The following CEP83 variants were observed in gnomAD, a reference collection of about 807,000 sequenced individuals.
CEP83 encodes centrosomal protein of 83 kDa.
CEP83 carries 70 observed loss-of-function variants against 101.9 expected under a neutral mutation model. The ratio of observed to expected loss-of-function variants is 0.69; its 90% CI spans 0.57 to 0.84. The LOEUF is 0.84. Among genes scored for constraint, CEP83 ranks in the 40% least tolerant of loss-of-function variants. The probability of loss-of-function intolerance (pLI) is 0.00; values close to 1 mark genes in which losing one functional copy is unlikely to be tolerated. For missense variants in CEP83, 715 were observed against 787.2 expected, an observed-to-expected ratio of 0.91 and a Z score of 1.10; for synonymous variants, 264 against 267.9, an observed-to-expected ratio of 0.99 and a Z score of 0.14.
intron 8 of CEP83, among the ~76,000 whole-genome samples, chr12:94,371,896 A>G (rs2061326292): frequency 6.6e-6 from 1 of 152,386 alleles, no homozygotes; most frequent in African/African-American, 2.4e-5. Context: ...ACAATAAGAC[A>G]TCCCTCCAAA....
chr12:94,299,844 G>C, the CEP83 span, among the ~76,000 whole-genome samples: 2 of 152,174 alleles, frequency 1.3e-5, no homozygotes, highest in African/African-American at 4.8e-5. Context: ...ACAGGTGTGA[G>C]CCACTGCCCC....
intron 11 of CEP83, among the ~76,000 whole-genome samples, chr12:94,348,562 T>C (rs1178976203): frequency 6.6e-6 from 1 of 152,100 alleles, no homozygotes; most frequent in Non-Finnish European, 1.5e-5. Flanking sequence ...CTACCGGCAA[T>C]GACCACCTCA....
At chr12:94,431,594 G>GT (rs992141611) in intron 2 of CEP83, among the ~76,000 whole-genome samples, 5 of 145,722 alleles carry the variant, frequency 3.4e-5, no homozygotes, top group East Asian at 2.0e-4. Context: ...AAACTTAACG[G>GT]TAAAAAAAAA....
chr12:94,391,598 G>GT (rs2062540500), intron 6 of CEP83, among the ~76,000 whole-genome samples: 2 of 152,040 alleles, frequency 1.3e-5, no homozygotes, highest in African/African-American at 2.4e-5. Context: ...AGCGAACATC[G>GT]TAATGACAGG....
Position 94,370,071 on chromosome 12 carries a change from C to A in CEP83, c.934-35G>T. The A allele has an allele frequency of 3.2e-6, 4 of 1,235,658 alleles. No homozygotes were observed. The South Asian group carries it at 3.7e-5, about 11-fold the overall frequency. 76.5% of individuals were successfully genotyped at this position (1,235,658 alleles called of 1,614,324 possible). A position where few individuals can be genotyped will look rare whatever the true frequency, so the allele number is the denominator to read the frequency against. ...ATTAAAAACTGAAATTACTATTGGT[C>A]ATTTTCTTGCCATTCAATACTTACC... On this transcript the variant is annotated intron_variant, in intron 8 of 16. Transcript: ENST00000397809.
At chr12:94,300,805 A>T in the CEP83 span, 2 of 1,009,866 alleles carry the variant, frequency 2.0e-6, no homozygotes, top group Non-Finnish European at 2.9e-6. Flanking sequence ...AGAGTTGTAT[A>T]CTTCAATAAC....
intron 2 of CEP83, among the ~76,000 whole-genome samples, chr12:94,418,723 G>T (rs1358477131): frequency 6.6e-6 from 1 of 152,108 alleles, no homozygotes; most frequent in Non-Finnish European, 1.5e-5. Context: ...AAATGTTTTG[G>T]AACTAGATAA....
intron 2 of CEP83, among the ~76,000 whole-genome samples, chr12:94,413,735 T>C (rs2137824477): frequency 6.6e-6 from 1 of 151,810 alleles, no homozygotes; most frequent in South Asian, 2.1e-4. Context: ...AAATAAAAAA[T>C]GATGTTTCAA....
chr12:94,411,094 C>G (rs890205982), intron 4 of CEP83, among the ~76,000 whole-genome samples: 3 of 152,076 alleles, frequency 2.0e-5, no homozygotes, highest in Non-Finnish European at 4.4e-5. Flanking sequence ...TCGTGAGAAC[C>G]TACTAATCTG....
At chr12:94,343,470 CTTTTTTTTTTTTTTTTTT>C (rs1161481202) in intron 11 of CEP83, among the ~76,000 whole-genome samples, 1 of 84,168 alleles carries the variant, frequency 1.2e-5, no homozygotes, top group Non-Finnish European at 2.2e-5. Context: ...TAGAAATTAA[CTTTTTTTTTTTTTTTTTT>C]TTTTTTTTTT....
the CEP83 span, among the ~76,000 whole-genome samples, chr12:94,293,177 T>C: frequency 6.6e-6 from 1 of 152,232 alleles, no homozygotes; most frequent in Non-Finnish European, 1.5e-5. Context: ...AGTTTGCTCA[T>C]TTTCATTGTT....
chr12:94,284,540 T>C, the CEP83 span, among the ~76,000 whole-genome samples: 3 of 152,188 alleles, frequency 2.0e-5, no homozygotes, highest in Non-Finnish European at 2.9e-5. Context: ...TTCACTGTTA[T>C]AGTTTTGCAA....
chr12:94,454,490 G>A (rs543874237), intron 1 of CEP83, among the ~76,000 whole-genome samples: 19 of 152,200 alleles, frequency 1.2e-4, no homozygotes, highest in South Asian at 6.2e-4. Flanking sequence ...CTGTAAAAAC[G>A]GACCAATCAG....
At chr12:94,365,172 C>A (rs1453581153) in intron 11 of CEP83, among the ~76,000 whole-genome samples, 1 of 151,466 alleles carries the variant, frequency 6.6e-6, no homozygotes, top group African/African-American at 2.4e-5. Context: ...GGAAAAAAGG[C>A]CAAAAAAACC....
chr12:94,380,743 G>A (rs11107523), intron 6 of CEP83, among the ~76,000 whole-genome samples: 11,274 of 152,158 alleles, frequency 0.074, 733 homozygotes, highest in East Asian at 0.34. Flanking sequence ...ACTGAGCTAA[G>A]TGCTCTACAT....
chr12:94,367,980 T>C (rs754341427), intron 10 of CEP83, 37 bp from the exon 11 acceptor site: 5 of 1,607,426 alleles, frequency 3.1e-6, no homozygotes, highest in Admixed American at 1.7e-5. Context: ...ACAAGAACTA[T>C]AATAAAGATG....
intron 1 of CEP83, among the ~76,000 whole-genome samples, chr12:94,441,914 C>CAAAAAAAAAAAA (rs370968833): frequency 1.6e-5 from 1 of 61,816 alleles, no homozygotes; most frequent in African/African-American, 5.9e-5. Context: ...GACTCCGTCT[C>CAAAAAAAAAAAA]AAAAAAAAAA....
chr12:94,354,400 G>A (rs2060347218), intron 11 of CEP83, among the ~76,000 whole-genome samples: 1 of 151,962 alleles, frequency 6.6e-6, no homozygotes, highest in Admixed American at 6.6e-5. Flanking sequence ...TGGCCAGGCT[G>A]CTCTCCAACT....
rs1480683189 is a variant in CEP83 at position 94,415,000 on chromosome 12, CAA to C, written c.-101-2411_-101-2410del. Among the ~76,000 whole-genome samples, 5 of 151,930 alleles carry C rather than the reference CAA, an allele frequency of 3.3e-5. No individual in the cohort carries two copies. In the East Asian group the frequency reaches 9.6e-4, roughly 29 times the overall value. On this transcript the variant is annotated intron_variant, in intron 2 of 16. Transcript: ENST00000397809. The stretch of plus-strand genomic sequence containing the variant: ...GTATGCAAAGGGTACAAGAAAAAAA[CAA>C]AATTTGTTTTTGGTGAAAAAAGTGT...
Sources: gnomAD v4.1 joint callset for allele counts (sites outside exome capture counted in the v4.1 genomes callset) on GRCh38, gnomAD v4.1.1 for gene constraint, MANE v1.5 for transcripts, NCBI Gene and HGNC (gene_info 2026-07-23, HGNC 2026-07-21) for gene names.